SH3BGRL2: variants seen among roughly 807,000 people sequenced by gnomAD.
SH3BGRL2 encodes SH3 domain-binding glutamic acid-rich-like protein 2.
In SH3BGRL2, 21 loss-of-function variants were observed where a neutral mutation model predicts 14.8. The observed-to-expected ratio is 1.42, with a 90% CI of 1.01 to 2.05. The LOEUF is 2.05. SH3BGRL2 is among the 30% of genes most tolerant of loss of function. The pLI, the probability that SH3BGRL2 is intolerant of heterozygous loss-of-function variation, is 0.00. For missense variants in SH3BGRL2, 147 were observed against 130.8 expected (o/e 1.12, Z -0.61); for synonymous variants, 50 against 47.8 (o/e 1.05, Z -0.19).
Position 79,701,269 on chromosome 6 carries a change from GA to G in SH3BGRL2, c.*1761del, listed in dbSNP as rs1443794377. The G allele has an allele frequency of 6.6e-5, 10 of 152,044 alleles. No individual in the cohort carries two copies. In the East Asian group the frequency reaches 1.9e-3, roughly 29 times the overall value. 9.4% of individuals were successfully genotyped at this position (152,044 alleles called of 1,614,324 possible). On this transcript the variant is annotated 3_prime_UTR_variant, in exon 4 of 4. Transcript: ENST00000369838. Reference sequence around the variant, plus strand: ...CTATCCAGGAATTTTTTTTTAACTGGATATTGTGTTTGAGTATGTGAGTCTT... The same window carrying G: ...CTATCCAGGAATTTTTTTTTAACTGGTATTGTGTTTGAGTATGTGAGTCTT...
the SH3BGRL2 span, among the ~76,000 whole-genome samples, chr6:79,623,100 G>C: frequency 6.6e-6 from 1 of 152,248 alleles, no homozygotes; most frequent in South Asian, 2.1e-4. Flanking sequence ...GAGGTCAGGA[G>C]TTCAAGACCA....
At chr6:79,674,544 T>C (rs1180952246) in intron 2 of SH3BGRL2, among the ~76,000 whole-genome samples, 1 of 152,198 alleles carries the variant, frequency 6.6e-6, no homozygotes, top group Non-Finnish European at 1.5e-5. Flanking sequence ...GGACCTGTAC[T>C]ATAGTTATTT....
upstream of SH3BGRL2, chr6:79,631,307 G>T: frequency 1.7e-6 from 1 of 591,494 alleles, no homozygotes. Context: ...GCTTTTATCT[G>T]CGGACCCGCC....
the SH3BGRL2 span, among the ~76,000 whole-genome samples, chr6:79,605,303 T>C: frequency 6.6e-6 from 1 of 152,162 alleles, no homozygotes; most frequent in Non-Finnish European, 1.5e-5. Context: ...TGTAGCCACA[T>C]GAATGATGTC....
At chr6:79,612,025 C>T in the SH3BGRL2 span, among the ~76,000 whole-genome samples, 4 of 152,128 alleles carry the variant, frequency 2.6e-5, no homozygotes, top group South Asian at 6.2e-4. Context: ...CACTGCCAGG[C>T]GCTGGCTCAC....
In SH3BGRL2 at chr6:79,657,719, C is replaced by A. The variant is rs578079103; in HGVS notation, c.46-15895C>A. Among the ~76,000 whole-genome samples, 186 of 151,848 alleles carry A rather than the reference C, an allele frequency of 1.2e-3. 1 individual carries two copies. The highest frequency in any genetic ancestry group is 2.0e-3 in the Non-Finnish European group (136 of 67,962). ...GCAACCTCCACCTCCCGGGTTCAAG[C>A]GATTCTCCTGCCTCAGCCTCCTGAG... On this transcript the variant is annotated intron_variant, in intron 1 of 3. Coordinates refer to ENST00000369838, the MANE Select transcript of SH3BGRL2 (RefSeq NM_031469.4).
At chr6:79,654,178 A>G (rs796409699) in intron 1 of SH3BGRL2, among the ~76,000 whole-genome samples, 110 of 152,362 alleles carry the variant, frequency 7.2e-4, no homozygotes, top group African/African-American at 2.6e-3. Context: ...TTATTTTAAC[A>G]TAGCTGATGT....
chr6:79,645,247 G>A (rs950538006), intron 1 of SH3BGRL2, among the ~76,000 whole-genome samples: 2 of 151,844 alleles, frequency 1.3e-5, no homozygotes, highest in Admixed American at 6.6e-5. Flanking sequence ...GTGTAGGCTG[G>A]AAGTCACAAT....
chr6:79,697,694 A>C (rs1770362044), intron 3 of SH3BGRL2, among the ~76,000 whole-genome samples: 1 of 152,218 alleles, frequency 6.6e-6, no homozygotes, highest in Admixed American at 6.5e-5. Flanking sequence ...AAAGGTTCTT[A>C]AAACTGCTTT....
At chr6:79,672,558 A>G (rs1469131532) in intron 1 of SH3BGRL2, among the ~76,000 whole-genome samples, 1 of 152,126 alleles carries the variant, frequency 6.6e-6, no homozygotes, top group Non-Finnish European at 1.5e-5. Context: ...TAAGCTGCAT[A>G]CTATTAAAGT....
chr6:79,606,786 G>A, the SH3BGRL2 span, among the ~76,000 whole-genome samples: 1 of 151,944 alleles, frequency 6.6e-6, no homozygotes, highest in East Asian at 1.9e-4. Flanking sequence ...TACATTGTAT[G>A]AGTAATGCTA....
At chr6:79,614,015 C>T in the SH3BGRL2 span, among the ~76,000 whole-genome samples, 1 of 152,070 alleles carries the variant, frequency 6.6e-6, no homozygotes, top group African/African-American at 2.4e-5. Context: ...CGGCTTTGAC[C>T]TGAGTTTCTG....
intron 2 of SH3BGRL2, among the ~76,000 whole-genome samples, chr6:79,681,132 AGGTAAAACT>A (rs1407237211): frequency 6.6e-6 from 1 of 152,172 alleles, no homozygotes; most frequent in Non-Finnish European, 1.5e-5. Context: ...GTCAGGCATT[AGGTAAAACT>A]GGGGAGAAAA....
chr6:79,655,449 C>T (rs1311287657), intron 1 of SH3BGRL2, among the ~76,000 whole-genome samples: 1 of 151,862 alleles, frequency 6.6e-6, no homozygotes, highest in Non-Finnish European at 1.5e-5. Context: ...ATATGATTAG[C>T]ATACCATTTA....
In SH3BGRL2 at chr6:79,673,667, G is replaced by A. The variant is rs1769821075; in HGVS notation, c.99G>A (p.Glu33=). Residue 33 remains glutamate, a synonymous_variant, in exon 2 of 4, where the codon GAG becomes GAA. Transcript: ENST00000369838. ...VVRFLEANKI[E]FEEVDITMSE... ...GATTTCTGGAAGCCAACAAGATAGAGTTTGAGGAGGTGGATATCACAATGT... is the reference window on the plus strand; with the variant it reads ...GATTTCTGGAAGCCAACAAGATAGAATTTGAGGAGGTGGATATCACAATGT... 6.2e-6 allele frequency: 10 copies of A among 1,614,116 alleles called. No individual in the cohort carries two copies. The highest frequency in any genetic ancestry group is 2.2e-5 in the East Asian group (1 of 44,886).
the SH3BGRL2 span, chr6:79,575,594 T>C: frequency 6.6e-6 from 1 of 152,164 alleles, no homozygotes; most frequent in African/African-American, 2.4e-5. Context: ...CTCAAACATA[T>C]CCTTTGGATA....
At chr6:79,602,577 T>C in the SH3BGRL2 span, among the ~76,000 whole-genome samples, 1 of 152,142 alleles carries the variant, frequency 6.6e-6, no homozygotes, top group African/African-American at 2.4e-5. Flanking sequence ...CCCACTGAGA[T>C]AGAGTCAAGG....
intron 2 of SH3BGRL2, among the ~76,000 whole-genome samples, chr6:79,695,816 A>G (rs1260671591): frequency 6.6e-6 from 1 of 152,246 alleles, no homozygotes; most frequent in Non-Finnish European, 1.5e-5. Context: ...TTTACATATG[A>G]TAAATGCAAA....
At chr6:79,611,916 T>C in the SH3BGRL2 span, among the ~76,000 whole-genome samples, 61 of 152,106 alleles carry the variant, frequency 4.0e-4, no homozygotes, top group Admixed American at 3.9e-3. Context: ...GAGGATTAAT[T>C]ATATGTAAAG....
Sources: gnomAD v4.1 joint callset for allele counts (sites outside exome capture counted in the v4.1 genomes callset) on GRCh38, gnomAD v4.1.1 for gene constraint, MANE v1.5 for transcripts, NCBI Gene and HGNC (gene_info 2026-07-23, HGNC 2026-07-21) for gene names.